ERCC2: variants seen among roughly 807,000 people sequenced by gnomAD.
ERCC2 encodes the protein ERCC excision repair 2, TFIIH core complex helicase subunit.
Under a neutral mutation model 99.4 loss-of-function variants are expected in ERCC2, and 90 were observed. That is an observed-to-expected ratio of 0.91 (90% CI 0.76 to 1.08). ERCC2 has a LOEUF of 1.08. ERCC2 is among the 50% of genes least tolerant of loss of function. The pLI is 0.00. For synonymous variants in ERCC2, 497 were observed against 432.4 expected, an observed-to-expected ratio of 1.15 and a Z score of -1.85; for missense variants, 993 against 1,038.1, an observed-to-expected ratio of 0.96 and a Z score of 0.60.
At chr19:45,358,356 G>A (rs1449358341) in intron 12 of ERCC2, 4 of 187,106 alleles carry the variant, frequency 2.1e-5, no homozygotes, top group East Asian at 1.4e-4. Flanking sequence ...CAGCAAAGCC[G>A]GGCAGCTCTG....
intron 12 of ERCC2, among the ~76,000 whole-genome samples, chr19:45,359,906 T>C (rs3916834): frequency 0.02 from 2,960 of 151,588 alleles, 98 homozygotes; most frequent in African/African-American, 0.066. Flanking sequence ...TCCTGAGTAG[T>C]TGGAACTATA....
chr19:45,354,254 A>C (rs1971935052), intron 17 of ERCC2, among the ~76,000 whole-genome samples: 1 of 152,142 alleles, frequency 6.6e-6, no homozygotes, highest in African/African-American at 2.4e-5. Context: ...CTGTTTCCAG[A>C]ATGCCCCACG....
chr19:45,357,722 G>A, intron 12 of ERCC2, 23 bp from the exon 13 acceptor site: 3 of 1,609,520 alleles, frequency 1.9e-6, no homozygotes, highest in South Asian at 1.1e-5. Context: ...GGCAAGGAGG[G>A]GTGAGATTAC....
At chr19:45,352,119 C>G (rs1437377274) in intron 22 of ERCC2, 90 bp downstream of exon 22, 1 of 1,426,238 alleles carries the variant, frequency 7.0e-7, no homozygotes, top group Non-Finnish European at 9.7e-7. Context: ...GACAGGCAGG[C>G]TGAGGGTGGG....
Position 45,361,633 on chromosome 19 carries a change from A to G in ERCC2, c.1128T>C (p.Ala376=). The G allele has an allele frequency of 6.2e-7, 1 of 1,613,430 alleles. No homozygotes were observed. Among genetic ancestry groups the G allele is most frequent in the Middle Eastern group, 1.7e-4 (1 of 6,060 alleles). Reference sequence around the variant, plus strand: ...TATGCAGCAGGGACCGGAGGCGTTCAGCACAGAATCTGGCGGGGAGGAGAG... The same window carrying G: ...TATGCAGCAGGGACCGGAGGCGTTCGGCACAGAATCTGGCGGGGAGGAGAG... ...CIQRKPLRFC[A]ERLRSLLHTL... is the part of the protein sequence containing the mutation. The change falls in exon 12 of 23, where the codon GCT becomes GCC. Residue 376 remains alanine (A), a synonymous_variant. Coordinates refer to ENST00000391945, the MANE Select transcript of ERCC2 (RefSeq NM_000400.4).
At chr19:45,356,763 G>A (rs986276227) in intron 15 of ERCC2, among the ~76,000 whole-genome samples, 8 of 152,132 alleles carry the variant, frequency 5.3e-5, no homozygotes, top group Non-Finnish European at 1.0e-4. Flanking sequence ...GCTGAGATCC[G>A]TGCCACTGCA....
At chr19:45,352,678 G>A (rs1490672097) in intron 20 of ERCC2, 29 bp from the exon 21 acceptor site, 35 of 1,613,886 alleles carry the variant, frequency 2.2e-5, no homozygotes, top group Non-Finnish European at 2.9e-5. Flanking sequence ...AGAAGCTGGG[G>A]AGGTGGGGGA....
chr19:45,360,126 G>T (rs1011534115), intron 12 of ERCC2, among the ~76,000 whole-genome samples: 6 of 150,860 alleles, frequency 4.0e-5, no homozygotes, highest in Admixed American at 3.3e-4. Flanking sequence ...TGTCGCCCAG[G>T]CTGGAGTGCA....
At chr19:45,351,911 A>G (rs570423505) in intron 22 of ERCC2, among the ~76,000 whole-genome samples, 190 bp from the exon 23 acceptor site, 8 of 152,300 alleles carry the variant, frequency 5.3e-5, no homozygotes, top group Non-Finnish European at 1.2e-4. Context: ...GGAGCCAGCT[A>G]GGGAGTCGGA....
rs1039239653 is a variant in ERCC2, at chr19:45,357,329, G to A, written c.1420C>T (p.His474Tyr). Residue 474 changes from histidine (H) to tyrosine (Y), a missense_variant, in exon 15 of 23, where the codon CAC becomes TAC. By Grantham distance (83) the His-to-Tyr change is moderately conservative. This residue lies in a region of ERCC2 where 909 missense variants were observed against 930.8 expected (regional missense o/e 0.98). Transcript: ENST00000391945. ...LDIYPKILDFHPVTMATFTMT... is the reference protein window; with the variant it reads ...LDIYPKILDFYPVTMATFTMT... ...GTGAAGGTTGCCATGGTGACGGGGT[G>A]GAAGTCCAGGATCTTGGGGTAGATG... 3.1e-6 allele frequency: 5 copies of A among 1,614,050 alleles called. No homozygotes were observed. The highest frequency in any genetic ancestry group is 4.2e-6 in the Non-Finnish European group (5 of 1,180,020).
chr19:45,364,704 CG>C (rs1456819200), intron 7 of ERCC2, 133 bp downstream of exon 7: 11 of 1,271,860 alleles, frequency 8.6e-6, no homozygotes, highest in Non-Finnish European at 1.1e-5. Flanking sequence ...CCAACAGATA[CG>C]GGCACCCACC....
chr19:45,357,970 TCCCAGCACCGCATGGGCTG>T (rs1393343814), intron 12 of ERCC2: 7 of 549,356 alleles, frequency 1.3e-5, no homozygotes, highest in Middle Eastern at 4.9e-4. Flanking sequence ...CTGCTCACTC[TCCCAGCACCGCATGGGCTG>T]CCCAGCACCC....
chr19:45,353,693 A>C (rs916548261), intron 17 of ERCC2, among the ~76,000 whole-genome samples: 4 of 152,218 alleles, frequency 2.6e-5, no homozygotes, highest in African/African-American at 9.7e-5. Context: ...TGTGGAGCCA[A>C]TGCAAGGACA....
In ERCC2 at chr19:45,351,317, G is replaced by A. The variant is rs201702505; in HGVS notation, c.*312C>T. 1.0e-4 allele frequency: 166 copies of A among 1,612,288 alleles called. No individual in the cohort carries two copies. The highest frequency in any genetic ancestry group is 3.3e-4 in the Middle Eastern group (2 of 6,082). ...AGCTGGCACCTGGACAAGGCCCCTCGGACCCTCAGCGCCAGCACCCAGGAC... is the reference window on the plus strand; with the variant it reads ...AGCTGGCACCTGGACAAGGCCCCTCAGACCCTCAGCGCCAGCACCCAGGAC... On this transcript the variant is annotated 3_prime_UTR_variant, in exon 23 of 23. Transcript: ENST00000391945.
chr19:45,362,159 C>T (rs1003062392), intron 11 of ERCC2, among the ~76,000 whole-genome samples: 11 of 151,988 alleles, frequency 7.2e-5, no homozygotes, highest in African/African-American at 2.4e-4. Context: ...CTTCTGACCT[C>T]GTGATCCACC....
At position 45,368,784 on chromosome 19, in the gene ERCC2, G is replaced by A. The variant is rs367985003; in HGVS notation, c.247-41C>T. 5.8e-6 allele frequency: 9 copies of A among 1,557,468 alleles called. No homozygotes were observed. The African/African-American group carries it at 9.5e-5, about 16-fold the overall frequency. On this transcript the variant is annotated intron_variant, in intron 4 of 22. Transcript: ENST00000391945. Reference sequence around the variant, plus strand: ...GGGGCAGGGGGAGCTTGTGCTCATTGGAGGCACAAACCCCTGCCCTGCCAG... The same window carrying A: ...GGGGCAGGGGGAGCTTGTGCTCATTAGAGGCACAAACCCCTGCCCTGCCAG...
chr19:45,363,959 G>C, intron 10 of ERCC2, 27 bp downstream of exon 10: 2 of 1,455,544 alleles, frequency 1.4e-6, no homozygotes, highest in South Asian at 1.2e-5. Context: ...GAAAGGGACT[G>C]GGGGGCAGCG....
chr19:45,357,173 A>G (rs1201161752), intron 15 of ERCC2, 97 bp downstream of exon 15: 10 of 849,426 alleles, frequency 1.2e-5, no homozygotes, highest in Non-Finnish European at 1.9e-5. Flanking sequence ...TTCGCTGTAA[A>G]GCTCTCCTGC....
chr19:45,364,408 C>T lies in ERCC2; in HGVS notation c.718+16G>A, dbSNP rs2123290816. ...AGAGGGGCTGGCATCCCTTTGGCCC[C>T]TGGCGCCCCCCTCACCAATGTTGTG... On this transcript the variant is annotated intron_variant, in intron 8 of 22. Coordinates refer to ENST00000391945, the MANE Select transcript of ERCC2 (RefSeq NM_000400.4). The T allele has an allele frequency of 6.2e-7, 1 of 1,613,884 alleles. No homozygotes were observed. Among genetic ancestry groups the T allele is most frequent in the Non-Finnish European group, 8.5e-7 (1 of 1,179,960 alleles).
Sources: allele counts gnomAD v4.1 joint callset (sites outside exome capture counted in the v4.1 genomes callset), GRCh38; gene constraint gnomAD v4.1.1; regional missense constraint gnomAD v4.1.1; transcripts MANE v1.5; gene names NCBI Gene and HGNC (gene_info 2026-07-23, HGNC 2026-07-21).